ANO4: variants seen among roughly 807,000 people sequenced by gnomAD.
ANO4 encodes the protein anoctamin-4.
In ANO4, 69 loss-of-function variants were observed where a neutral mutation model predicts 141.9. That is an observed-to-expected ratio of 0.49 (90% CI 0.40 to 0.59). ANO4 has a LOEUF of 0.59. Among genes scored for constraint, ANO4 ranks in the 20% least tolerant of loss-of-function variants. The pLI, the probability that ANO4 is intolerant of heterozygous loss-of-function variation, is 0.00. For missense variants in ANO4, 894 were observed against 1,162.2 expected, an observed-to-expected ratio of 0.77 and a Z score of 3.36; for synonymous variants, 350 against 394.3, an observed-to-expected ratio of 0.89 and a Z score of 1.33.
chr12:101,039,553 T>C (rs2047334019), intron 10 of ANO4, among the ~76,000 whole-genome samples: 2 of 152,168 alleles, frequency 1.3e-5, no homozygotes, highest in Admixed American at 1.3e-4. Flanking sequence ...AGAGAACTAA[T>C]AAGCCTTGGG....
intron 1 of ANO4, among the ~76,000 whole-genome samples, chr12:100,725,491 C>A (rs980050694): frequency 2.0e-5 from 3 of 151,916 alleles, no homozygotes; most frequent in Non-Finnish European, 4.4e-5. Context: ...GGACTACAGG[C>A]GCCCACCACC....
intron 5 of ANO4, among the ~76,000 whole-genome samples, chr12:100,970,714 CTTCCTTCCTTCCTTCT>C (rs2043893357): frequency 9.7e-6 from 1 of 102,950 alleles, no homozygotes; most frequent in Non-Finnish European, 1.8e-5. Flanking sequence ...TCCTTCCTTC[CTTCCTTCCTTCCTTCT>C]TTCTTTCGAC....
intron 3 of ANO4, 22 bp from the exon 4 acceptor site, chr12:100,939,293 A>C: frequency 6.2e-7 from 1 of 1,604,952 alleles, no homozygotes; most frequent in Non-Finnish European, 8.5e-7. Context: ...CCCACCTTAT[A>C]ATGTATTTAC....
At chr12:101,042,958 G>A (rs990249757) in intron 12 of ANO4, among the ~76,000 whole-genome samples, 6 of 152,166 alleles carry the variant, frequency 3.9e-5, no homozygotes, top group African/African-American at 1.4e-4. Context: ...AGATCTTGTT[G>A]CAAGGCTGGA....
At chr12:100,983,985 C>T (rs939024159) in intron 7 of ANO4, among the ~76,000 whole-genome samples, 3 of 152,102 alleles carry the variant, frequency 2.0e-5, no homozygotes, top group Non-Finnish European at 4.4e-5. Context: ...CATGCACAGC[C>T]GTGTGTAATG....
chr12:101,031,504 C>G (rs1003476815), intron 9 of ANO4, among the ~76,000 whole-genome samples: 62 of 152,256 alleles, frequency 4.1e-4, no homozygotes, highest in Middle Eastern at 3.4e-3. Context: ...TGGAAACATT[C>G]CCTTTGAAAA....
At chr12:100,758,718 T>A (rs2032725892) in intron 3 of ANO4, among the ~76,000 whole-genome samples, 1 of 152,144 alleles carries the variant, frequency 6.6e-6, no homozygotes, top group South Asian at 2.1e-4. Flanking sequence ...ACAACAGAAA[T>A]CTATTCCTTC....
intron 8 of ANO4, among the ~76,000 whole-genome samples, chr12:101,005,828 C>T (rs952003764): frequency 5.3e-5 from 8 of 152,112 alleles, no homozygotes; most frequent in Non-Finnish European, 7.4e-5. Context: ...GGGAAGTTTT[C>T]CCAATTCTAG....
chr12:100,875,349 G>A (rs140744068), intron 1 of ANO4, among the ~76,000 whole-genome samples: 1 of 152,248 alleles, frequency 6.6e-6, no homozygotes, highest in Non-Finnish European at 1.5e-5. Context: ...GAAAGGGTAG[G>A]TGATTTCACG....
intron 1 of ANO4, among the ~76,000 whole-genome samples, chr12:100,799,340 G>A (rs1021152254): frequency 6.6e-6 from 1 of 152,208 alleles, no homozygotes; most frequent in Non-Finnish European, 1.5e-5. Flanking sequence ...GTGAGCATCA[G>A]TGTTACTCAG....
At chr12:101,068,172 AG>A in intron 14 of ANO4, 1 of 1,051,522 alleles carries the variant, frequency 9.5e-7, no homozygotes, top group African/African-American at 1.6e-5. Flanking sequence ...ACTTTTAAAT[AG>A]CCCCATAGGA....
chr12:100,777,758 C>T (rs2033574129), intron 3 of ANO4, among the ~76,000 whole-genome samples: 1 of 152,040 alleles, frequency 6.6e-6, no homozygotes, highest in Non-Finnish European at 1.5e-5. Context: ...GACTATTTTA[C>T]AACCTTTTAC....
At chr12:100,849,310 G>A (rs988487871) in intron 1 of ANO4, among the ~76,000 whole-genome samples, 1 of 152,176 alleles carries the variant, frequency 6.6e-6, no homozygotes, top group African/African-American at 2.4e-5. Context: ...GTATTTTCAA[G>A]TGTTTTATTT....
At chr12:100,878,330 T>C (rs1254357263) in intron 1 of ANO4, among the ~76,000 whole-genome samples, 1 of 152,226 alleles carries the variant, frequency 6.6e-6, no homozygotes, top group African/African-American at 2.4e-5. Context: ...TTCAGTGAGA[T>C]AGTATATGCA....
intron 1 of ANO4, among the ~76,000 whole-genome samples, chr12:100,893,388 C>T (rs772298326): frequency 6.6e-6 from 1 of 151,898 alleles, no homozygotes; most frequent in African/African-American, 2.4e-5. Flanking sequence ...TGGTTCACAC[C>T]CAGAAACATT....
At chr12:100,924,119 C>T (rs1323478408) in intron 3 of ANO4, among the ~76,000 whole-genome samples, 1 of 152,070 alleles carries the variant, frequency 6.6e-6, no homozygotes, top group Non-Finnish European at 1.5e-5. Flanking sequence ...GTTTCTTTTG[C>T]TGTGCAGAAG....
At chr12:100,869,751 G>C (rs2038941910) in intron 1 of ANO4, among the ~76,000 whole-genome samples, 1 of 152,122 alleles carries the variant, frequency 6.6e-6, no homozygotes, top group South Asian at 2.1e-4. Flanking sequence ...AGAGATTTCA[G>C]TTTCTCATTT....
intron 14 of ANO4, among the ~76,000 whole-genome samples, chr12:101,051,522 T>C (rs1164637365): frequency 6.6e-6 from 1 of 152,250 alleles, no homozygotes; most frequent in East Asian, 1.9e-4. Context: ...TGTTTCTTTG[T>C]AGATAGAGAT....
chr12:100,799,205 T>G (rs564992217), intron 1 of ANO4, among the ~76,000 whole-genome samples: 1 of 152,276 alleles, frequency 6.6e-6, no homozygotes, highest in South Asian at 2.1e-4. Context: ...AAGTATTAAT[T>G]CACTTCTATT....
Sources: allele counts gnomAD v4.1 joint callset (sites outside exome capture counted in the v4.1 genomes callset), GRCh38; gene constraint gnomAD v4.1.1; transcripts MANE v1.5; gene names NCBI Gene and HGNC (gene_info 2026-07-23, HGNC 2026-07-21).